Variants in UGT1A6 observed in about 807,000 individuals in gnomAD.
The protein encoded by UGT1A6 is UDP-glucuronosyltransferase 1A6.
A neutral mutation model predicts 44.4 loss-of-function variants in UGT1A6; 32 were observed. The observed-to-expected ratio is 0.72, with a 90% CI of 0.54 to 0.97. The LOEUF is 0.97. Among genes scored for constraint, UGT1A6 ranks in the 50% least tolerant of loss-of-function variants. The pLI, the probability that UGT1A6 is intolerant of heterozygous loss-of-function variation, is 0.00. For missense variants in UGT1A6, 685 were observed against 661.9 expected, an observed-to-expected ratio of 1.03 and a Z score of -0.38; for synonymous variants, 238 against 248.5, an observed-to-expected ratio of 0.96 and a Z score of 0.40.
intron 1 of UGT1A6, chr2:233,743,752 C>T (rs1459474773): frequency 7.3e-7 from 1 of 1,367,268 alleles, no homozygotes. Flanking sequence ...CGTCCGACAA[C>T]ACCTCGTAGG....
intron 1 of UGT1A6, among the ~76,000 whole-genome samples, chr2:233,696,879 A>G (rs566560461): frequency 1.3e-5 from 2 of 152,306 alleles, no homozygotes; most frequent in African/African-American, 2.4e-5. Flanking sequence ...TCTACAACAT[A>G]TGAGTTCTGT....
chr2:233,765,082 C>T (rs2741017), intron 1 of UGT1A6, among the ~76,000 whole-genome samples: 1 of 152,198 alleles, frequency 6.6e-6, no homozygotes, highest in South Asian at 2.1e-4. Context: ...TGTCTCACAT[C>T]TAGGGTGACC....
At chr2:233,724,236 C>T (rs1274284123) in intron 1 of UGT1A6, among the ~76,000 whole-genome samples, 29 of 110,938 alleles carry the variant, frequency 2.6e-4, no homozygotes, top group East Asian at 8.5e-4. Flanking sequence ...TAGGGGCGGC[C>T]GGGCAGAGGC....
intron 1 of UGT1A6, chr2:233,754,923 C>G (rs1466218732): frequency 7.4e-7 from 1 of 1,349,888 alleles, no homozygotes; most frequent in Non-Finnish European, 9.9e-7. Flanking sequence ...CAGCGGGTTT[C>G]CCAAGAGGTC....
At chr2:233,741,367 C>T (rs1691641318) in intron 1 of UGT1A6, among the ~76,000 whole-genome samples, 1 of 151,832 alleles carries the variant, frequency 6.6e-6, no homozygotes, top group Non-Finnish European at 1.5e-5. Context: ...CACAATGAAA[C>T]TGCCCATGCC....
intron 1 of UGT1A6, among the ~76,000 whole-genome samples, chr2:233,720,694 G>A (rs1379635884): frequency 6.6e-6 from 1 of 151,632 alleles, no homozygotes; most frequent in Non-Finnish European, 1.5e-5. Flanking sequence ...AATCCATTAA[G>A]GGAGCCATCC....
intron 1 of UGT1A6, among the ~76,000 whole-genome samples, chr2:233,728,671 C>T (rs1367179022): frequency 6.6e-6 from 1 of 152,178 alleles, no homozygotes; most frequent in Non-Finnish European, 1.5e-5. Flanking sequence ...GTTACTCATA[C>T]ATGAGAAGAA....
At chr2:233,760,657 T>G in intron 1 of UGT1A6, 1 of 1,614,222 alleles carries the variant, frequency 6.2e-7, no homozygotes. Flanking sequence ...TGCTATGCTT[T>G]TGTCTGGCTG....
intron 1 of UGT1A6, chr2:233,743,927 C>A (rs773932018): frequency 1.2e-5 from 17 of 1,360,072 alleles, no homozygotes; most frequent in Non-Finnish European, 1.6e-5. Context: ...GCTGGATGGC[C>A]AGAACGGCCC....
At chr2:233,724,308 C>A (rs2077215136) in intron 1 of UGT1A6, among the ~76,000 whole-genome samples, 1 of 148,194 alleles carries the variant, frequency 6.7e-6, no homozygotes, top group African/African-American at 2.5e-5. Context: ...CACCTCCCTC[C>A]CGGACGGGGC....
At chr2:233,707,538 CT>C (rs753963758) in intron 1 of UGT1A6, among the ~76,000 whole-genome samples, 1,931 of 126,726 alleles carry the variant, frequency 0.015, 27 homozygotes, top group African/African-American at 0.038. Flanking sequence ...TTTGTCTTGC[CT>C]TTTTTTTTTT....
intron 1 of UGT1A6, among the ~76,000 whole-genome samples, chr2:233,744,814 C>G (rs571865422): frequency 1.3e-5 from 2 of 151,886 alleles, no homozygotes; most frequent in Non-Finnish European, 2.9e-5. Flanking sequence ...GATTTCCTGG[C>G]TCATACTTTG....
At chr2:233,729,281 A>G (rs2077829135) in intron 1 of UGT1A6, 2 of 1,614,144 alleles carry the variant, frequency 1.2e-6, no homozygotes. Context: ...CGGGAGCTCC[A>G]TGCCAGAGGC....
chr2:233,718,839 G>A, intron 1 of UGT1A6: 1 of 1,613,658 alleles, frequency 6.2e-7, no homozygotes, highest in Non-Finnish European at 8.5e-7. Context: ...AGGACTCCAG[G>A]TTCCCCTGCC....
rs565921734 is a variant in UGT1A6 at position 233,700,988 on chromosome 2, C to T, written c.861+7123C>T. ...TGCGGTGTTTGATTTTTTGTCCTTG[C>T]GATAGTTTGCTGAGAATGATGGTTT... On this transcript the variant is annotated intron_variant, in intron 1 of 4. Transcript: ENST00000305139. Among the ~76,000 whole-genome samples, 641 of 151,872 alleles carry T rather than the reference C, an allele frequency of 4.2e-3. 4 individuals carry two copies. The highest frequency in any genetic ancestry group is 7.5e-3 in the Non-Finnish European group (513 of 67,974).
chr2:233,743,601 C>T (rs201940151), intron 1 of UGT1A6: 28 of 1,367,176 alleles, frequency 2.0e-5, no homozygotes, highest in African/African-American at 4.5e-5. Context: ...GGGTCCTGGC[C>T]GCCGAAGAAC....
chr2:233,736,804 G>A (rs1221083478), intron 1 of UGT1A6, among the ~76,000 whole-genome samples: 2 of 152,210 alleles, frequency 1.3e-5, no homozygotes, highest in African/African-American at 4.8e-5. Context: ...GGAGTTTGCT[G>A]GAGGTCCACT....
At chr2:233,728,962 CAG>C in intron 1 of UGT1A6, 1 of 1,451,584 alleles carries the variant, frequency 6.9e-7, no homozygotes, top group Non-Finnish European at 9.2e-7. Flanking sequence ...CAGTGAAAAA[CAG>C]TGATAGATTA....
intron 1 of UGT1A6, among the ~76,000 whole-genome samples, chr2:233,694,884 G>A (rs1016434056): frequency 2.2e-4 from 33 of 152,200 alleles, no homozygotes; most frequent in African/African-American, 8.0e-4. Flanking sequence ...CATTTGGGGG[G>A]TTCATGTGAT....
Sources: allele counts gnomAD v4.1 joint callset (sites outside exome capture counted in the v4.1 genomes callset), GRCh38; gene constraint gnomAD v4.1.1; transcripts MANE v1.5; gene names NCBI Gene and HGNC (gene_info 2026-07-23, HGNC 2026-07-21).